Variants in TM4SF20 observed in about 807,000 individuals in gnomAD.
TM4SF20 encodes the protein transmembrane 4 L6 family member 20.
A neutral mutation model predicts 15.1 loss-of-function variants in TM4SF20; 13 were observed. The ratio of observed to expected loss-of-function variants is 0.86; its 90% CI spans 0.56 to 1.36. The LOEUF (loss-of-function observed/expected upper bound fraction) is 1.36. Ranked by LOEUF, TM4SF20 falls within the 40% of genes most tolerant of loss-of-function variation. The probability of loss-of-function intolerance (pLI) is 0.00; values close to 1 mark genes in which losing one functional copy is unlikely to be tolerated. For synonymous variants in TM4SF20, 92 were observed against 96.6 expected (o/e 0.95, Z 0.28); for missense variants, 282 against 268.4 (o/e 1.05, Z -0.35).
chr2:227,370,183 T>C (rs952206027), intron 2 of TM4SF20, among the ~76,000 whole-genome samples: 3 of 152,196 alleles, frequency 2.0e-5, no homozygotes, highest in African/African-American at 7.2e-5. Context: ...ATAAAGGCAA[T>C]TGTCATTCTA....
At chr2:227,373,927 C>CAAAAAAAAAAAAAA (rs373068376) in intron 1 of TM4SF20, among the ~76,000 whole-genome samples, 9 of 103,032 alleles carry the variant, frequency 8.7e-5, no homozygotes, top group Non-Finnish European at 1.1e-4. Context: ...GACTCCGTCT[C>CAAAAAAAAAAAAAA]AAAAAAAAAA....
chr2:227,371,169 C>T (rs572335220), intron 1 of TM4SF20, among the ~76,000 whole-genome samples, 189 bp from the exon 2 acceptor site: 82 of 152,266 alleles, frequency 5.4e-4, no homozygotes, highest in Admixed American at 1.8e-3. Flanking sequence ...TTAAAAGTGG[C>T]GGCGGGAACA....
rs369361401 is a variant in TM4SF20, at chr2:227,362,259, G to C, written c.*1465C>G. On this transcript the variant is annotated 3_prime_UTR_variant, in exon 4 of 4. Coordinates refer to ENST00000304568, the MANE Select transcript of TM4SF20 (RefSeq NM_024795.4). ...CACATATAGAAAATAGCTTTTGAAA[G>C]TCTTGGGTTTTTCTAGGTATTGTTT... 6.6e-6 allele frequency: 1 copy of C among 152,122 alleles called. No individual in the cohort carries two copies. Among genetic ancestry groups the C allele is most frequent in the Non-Finnish European group, 1.5e-5 (1 of 68,010 alleles). The allele number at this position is 152,122 out of a possible 1,614,324, so 9.4% of individuals were successfully genotyped here. A position where few individuals can be genotyped will look rare whatever the true frequency, so the allele number is the denominator to read the frequency against.
upstream of TM4SF20, among the ~76,000 whole-genome samples, chr2:227,380,244 C>T (rs1186606586): frequency 1.3e-5 from 2 of 152,220 alleles, no homozygotes; most frequent in Admixed American, 1.3e-4. Context: ...GCCAGAGAAT[C>T]ACTTGAACCT....
chr2:227,368,846 C>G (rs1349074631), intron 2 of TM4SF20, among the ~76,000 whole-genome samples: 2 of 152,216 alleles, frequency 1.3e-5, no homozygotes, highest in South Asian at 2.1e-4. Flanking sequence ...AGGGGACAAG[C>G]CTTGGTCAAC....
chr2:227,380,193 G>A (rs1478664423), upstream of TM4SF20, among the ~76,000 whole-genome samples: 4 of 152,228 alleles, frequency 2.6e-5, no homozygotes, highest in Admixed American at 2.0e-4. Flanking sequence ...AGCCAAGCGT[G>A]GTGGCACATA....
chr2:227,363,613 C>T lies in TM4SF20; in HGVS notation c.*111G>A, dbSNP rs1288710279. ...GAGAGTGTTATGCATTTACAACGTGCTTTCTACGTGAAGGGTTGATTTTTT... is the reference window on the plus strand; with the variant it reads ...GAGAGTGTTATGCATTTACAACGTGTTTTCTACGTGAAGGGTTGATTTTTT... On this transcript the variant is annotated 3_prime_UTR_variant, in exon 4 of 4. Coordinates refer to ENST00000304568, the MANE Select transcript of TM4SF20 (RefSeq NM_024795.4). 3.5e-6 allele frequency: 4 copies of T among 1,127,062 alleles called. No homozygotes were observed. Among genetic ancestry groups the T allele is most frequent in the Non-Finnish European group, 5.0e-6 (4 of 797,490 alleles). 69.8% of individuals were successfully genotyped at this position (1,127,062 alleles called of 1,614,324 possible).
intron 1 of TM4SF20, among the ~76,000 whole-genome samples, chr2:227,373,408 G>T (rs1179653255): frequency 1.3e-5 from 2 of 152,190 alleles, no homozygotes; most frequent in South Asian, 2.1e-4. Flanking sequence ...AAAGGGAAAA[G>T]AAATTTTAGC....
chr2:227,375,459 C>A (rs56126070), intron 1 of TM4SF20, among the ~76,000 whole-genome samples: 44,496 of 152,044 alleles, frequency 0.29, 6,635 homozygotes, highest in East Asian at 0.38. Context: ...TTTGTCATGC[C>A]TAATGTCTTC....
rs59401554 is a variant in TM4SF20 at position 227,366,716 on chromosome 2, C to CAAAAA, written c.250-477_250-473dup. Among the ~76,000 whole-genome samples, 678 of 68,134 alleles carry CAAAAA rather than the reference C, an allele frequency of 1.0e-2. 60 individuals are homozygous for CAAAAA. Among genetic ancestry groups the CAAAAA allele is most frequent in the Non-Finnish European group, 0.014 (489 of 36,114 alleles). 44.7% of individuals were successfully genotyped at this position (68,134 alleles called of 152,430 possible). ...GCTGGGTGACAGAGCAAGACTCTGT[C>CAAAAA]AAAAAAAAAAAAAAAAAAAAAAAAA... is the stretch of plus-strand genomic sequence containing the variant. On this transcript the variant is annotated intron_variant, in intron 2 of 3. Transcript: ENST00000304568.
chr2:227,370,975 A>G lies in TM4SF20; in HGVS notation c.189T>C (p.Ile63=), dbSNP rs754505790. Residue 63 remains isoleucine, a synonymous_variant, in exon 2 of 4, where the codon ATT becomes ATC. Transcript: ENST00000304568. Reference sequence around the variant, plus strand: ...CTGTCAAGGACATTGTTGTTGCTGGAATGGCCTGGAAATGACATCAACAGG... The same window carrying G: ...CTGTCAAGGACATTGTTGTTGCTGGGATGGCCTGGAAATGACATCAACAGG... The part of the protein sequence containing the change: ...PGIIGAGLMA[I]PATTMSLTAR... 6.8e-6 allele frequency: 11 copies of G among 1,613,832 alleles called. No homozygotes were observed. The highest frequency in any genetic ancestry group is 9.3e-6 in the Non-Finnish European group (11 of 1,179,786).
chr2:227,368,738 C>G (rs1331234882), intron 2 of TM4SF20, among the ~76,000 whole-genome samples: 2 of 152,202 alleles, frequency 1.3e-5, no homozygotes, highest in Admixed American at 1.3e-4. Context: ...TGTATTTCCC[C>G]TAAAGGGGAT....
Position 227,364,021 on chromosome 2 carries a change from CAAAAGAT to C in TM4SF20, c.402-16_402-10del. The C allele has an allele frequency of 6.2e-7, 1 of 1,600,116 alleles. No individual in the cohort carries two copies. The highest frequency in any genetic ancestry group is 1.1e-5 in the South Asian group (1 of 89,006). On this transcript the variant is annotated splice_polypyrimidine_tract_variant and intron_variant, in intron 3 of 3. Transcript: ENST00000304568. Reference sequence around the variant, plus strand: ...ATTCTGGATGAATGTCACTGAAAAACAAAAGATAAAAATCAGATATTCAGAAATATCC... The same window carrying C: ...ATTCTGGATGAATGTCACTGAAAAACAAAAATCAGATATTCAGAAATATCC...
chr2:227,368,718 T>C (rs57229762), intron 2 of TM4SF20, among the ~76,000 whole-genome samples: 16,358 of 152,240 alleles, frequency 0.11, 2,251 homozygotes, highest in African/African-American at 0.32. Flanking sequence ...AGAAAGTGAT[T>C]CCAGGCATGT....
At chr2:227,369,085 AATT>A (rs1235374678) in intron 2 of TM4SF20, among the ~76,000 whole-genome samples, 1 of 152,240 alleles carries the variant, frequency 6.6e-6, no homozygotes, top group Non-Finnish European at 1.5e-5. Flanking sequence ...TCAAATTCCA[AATT>A]ATTATCGTTT....
intron 2 of TM4SF20, among the ~76,000 whole-genome samples, chr2:227,368,500 G>A (rs927941394): frequency 1.1e-4 from 16 of 151,472 alleles, no homozygotes; most frequent in South Asian, 4.2e-4. Flanking sequence ...ACAGATGCCC[G>A]CCACTACACC....
At chr2:227,375,102 T>TA (rs2076440923) in intron 1 of TM4SF20, among the ~76,000 whole-genome samples, 1 of 151,756 alleles carries the variant, frequency 6.6e-6, no homozygotes, top group African/African-American at 2.4e-5. Flanking sequence ...AATTTTTGTA[T>TA]TTTTTGATAG....
rs371474625 is a variant in TM4SF20 at position 227,362,934 on chromosome 2, C to A, written c.*790G>T. 5.9e-5 allele frequency: 9 copies of A among 152,278 alleles called. No individual in the cohort carries two copies. The East Asian group carries it at 1.5e-3, about 26-fold the overall frequency. The allele number at this position is 152,278 out of a possible 1,614,324, so 9.4% of individuals were successfully genotyped here. Reference sequence around the variant, plus strand: ...TTTAGCTGAAACATGCCTCTATTCTCTTAATCTATAACAGTTCCCTCAAAA... The same window carrying A: ...TTTAGCTGAAACATGCCTCTATTCTATTAATCTATAACAGTTCCCTCAAAA... On this transcript the variant is annotated 3_prime_UTR_variant, in exon 4 of 4. Transcript: ENST00000304568.
intron 1 of TM4SF20, 106 bp from the exon 2 acceptor site, chr2:227,371,086 C>A: frequency 3.0e-6 from 3 of 986,494 alleles, no homozygotes; most frequent in Admixed American, 1.8e-5. Flanking sequence ...AATCAAGGCT[C>A]AAAGAACAAA....
Sources: allele counts gnomAD v4.1 joint callset (sites outside exome capture counted in the v4.1 genomes callset), GRCh38; gene constraint gnomAD v4.1.1; transcripts MANE v1.5; gene names NCBI Gene and HGNC (gene_info 2026-07-23, HGNC 2026-07-21).